The following KCNQ2 variants were observed in gnomAD, a reference collection of about 807,000 sequenced individuals.
The protein encoded by KCNQ2 is potassium voltage-gated channel subfamily Q member 2.
KCNQ2 carries 14 observed loss-of-function variants against 84.8 expected under a neutral mutation model. That is an observed-to-expected ratio of 0.17 (90% CI 0.11 to 0.26). The LOEUF (loss-of-function observed/expected upper bound fraction) is 0.26, where lower values mean the gene tolerates loss of function less well. Ranked by LOEUF, KCNQ2 falls within the 10% of genes least tolerant of loss-of-function variation. KCNQ2 has a pLI of 1.00. For synonymous variants in KCNQ2, 599 were observed against 554.1 expected (o/e 1.08, Z -1.14); for missense variants, 788 against 1,254.0 (o/e 0.63, Z 5.61).
chr20:63,452,625 C>T (rs777118262), intron 1 of KCNQ2, among the ~76,000 whole-genome samples: 7 of 152,242 alleles, frequency 4.6e-5, no homozygotes, highest in Non-Finnish European at 1.0e-4. Flanking sequence ...ACAGGGGCCT[C>T]GGCCAGAGGC....
chr20:63,458,737 C>T (rs2081871409), intron 1 of KCNQ2, among the ~76,000 whole-genome samples: 1 of 152,362 alleles, frequency 6.6e-6, no homozygotes, highest in South Asian at 2.1e-4. Flanking sequence ...CACATCCAGG[C>T]AGGCGGCAGC....
Position 63,444,106 on chromosome 20 carries a change from G to T in KCNQ2, c.690+553C>A, listed in dbSNP as rs564015927. Among the ~76,000 whole-genome samples, 136 of 152,360 alleles carry T rather than the reference G, an allele frequency of 8.9e-4. 1 individual carries two copies. Among genetic ancestry groups the T allele is most frequent in the African/African-American group, 3.3e-3 (136 of 41,590 alleles). ...AGGGCTCAAGAGGGAAGAAAATGGGGAGGGGGCCATTTGAGCAAATGAGCC... is the reference window on the plus strand; with the variant it reads ...AGGGCTCAAGAGGGAAGAAAATGGGTAGGGGGCCATTTGAGCAAATGAGCC... On this transcript the variant is annotated intron_variant, in intron 4 of 16. Transcript: ENST00000359125.
intron 15 of KCNQ2, 74 bp downstream of exon 15, chr20:63,413,376 G>C: frequency 6.3e-7 from 1 of 1,589,690 alleles, no homozygotes. Context: ...CTCCCACCAT[G>C]GGCCACAGTG....
At position 63,438,743 on chromosome 20, in the gene KCNQ2, C is replaced by G. The variant is rs866660979; in HGVS notation, c.928-23G>C. The G allele has an allele frequency of 6.2e-7, 1 of 1,607,258 alleles. No individual in the cohort carries two copies. The highest frequency in any genetic ancestry group is 8.5e-7 in the Non-Finnish European group (1 of 1,175,442). On this transcript the variant is annotated intron_variant, in intron 6 of 16. Transcript: ENST00000359125. This position sits in a 1 kb window ranked among gnomAD's most constrained non-coding sequence, Gnocchi z 5.1. ...GCCCTGCAATTCATCAGGGTCAGGT[C>G]ACACCCCAGGGACCCCCCACACCCC... is the stretch of plus-strand genomic sequence containing the variant.
rs867201814 is a variant in KCNQ2 at position 63,416,383 on chromosome 20, G to C, written c.1302-1257C>G. ...CCGCCGGGCGACAGTGAGGGGAGGGGAGGGTTCACTGTGGTTGGTGGTTGG... is the reference window on the plus strand; with the variant it reads ...CCGCCGGGCGACAGTGAGGGGAGGGCAGGGTTCACTGTGGTTGGTGGTTGG... On this transcript the variant is annotated intron_variant, in intron 12 of 16. Transcript: ENST00000359125. Among the ~76,000 whole-genome samples the C allele has an allele frequency of 2.0e-5, 3 of 152,348 alleles. No homozygotes were observed. The Middle Eastern group carries it at 0.01, about 518-fold the overall frequency.
At chr20:63,437,096 T>C (rs1440866126) in intron 7 of KCNQ2, among the ~76,000 whole-genome samples, 1 of 152,170 alleles carries the variant, frequency 6.6e-6, no homozygotes, top group Non-Finnish European at 1.5e-5. Flanking sequence ...ATAACTTCCA[T>C]ATGCACTGGG....
chr20:63,415,162 C>G, intron 12 of KCNQ2, 36 bp from the exon 13 acceptor site: 2 of 1,564,220 alleles, frequency 1.3e-6, no homozygotes, highest in Non-Finnish European at 1.7e-6. Context: ...GACAGAAAAA[C>G]AGGGAGAGAA....
chr20:63,404,442 G>C lies in KCNQ2; in HGVS notation c.*2202C>G, dbSNP rs1171158731. 2 of 151,744 alleles carry C rather than the reference G, an allele frequency of 1.3e-5. No individual in the cohort carries two copies. The highest frequency in any genetic ancestry group is 1.5e-5 in the Non-Finnish European group (1 of 68,306). 9.4% of individuals were successfully genotyped at this position (151,744 alleles called of 1,614,324 possible). ...GGCGGGGGAGGAAAGAGCAGGCGGG[G>C]TCACACCTGCAGGGGGACACACAGC... On this transcript the variant is annotated 3_prime_UTR_variant, in exon 17 of 17. Coordinates refer to ENST00000359125, the MANE Select transcript of KCNQ2 (RefSeq NM_172107.4).
chr20:63,430,258 G>A (rs1173249879), intron 9 of KCNQ2, among the ~76,000 whole-genome samples: 3 of 152,328 alleles, frequency 2.0e-5, no homozygotes, highest in African/African-American at 7.2e-5. Flanking sequence ...GAGAGCAGAG[G>A]CTGGGGAGGA....
intron 15 of KCNQ2, among the ~76,000 whole-genome samples, chr20:63,412,822 G>C (rs532805788): frequency 3.3e-4 from 50 of 152,338 alleles, no homozygotes; most frequent in Non-Finnish European, 6.5e-4. Flanking sequence ...CTCAACAGCC[G>C]TGTGTCCCCA....
Position 63,407,436 on chromosome 20 carries a change from G to A in KCNQ2, c.1888-61C>T. The A allele has an allele frequency of 6.3e-7, 1 of 1,575,562 alleles. No homozygotes were observed. The highest frequency in any genetic ancestry group is 8.6e-7 in the Non-Finnish European group (1 of 1,165,110). ...CCGTCCCAGGAGATGTGGGGACCCA[G>A]GCTGCTCCCAGGAAATGGGGGGGCC... is the stretch of plus-strand genomic sequence containing the variant. On this transcript the variant is annotated intron_variant, in intron 16 of 16. Transcript: ENST00000359125. This position sits in a 1 kb window ranked among gnomAD's most constrained non-coding sequence, Gnocchi z 7.2.
intron 5 of KCNQ2, 32 bp from the exon 6 acceptor site, chr20:63,439,740 G>T (rs2145720000): frequency 1.3e-6 from 2 of 1,524,782 alleles, no homozygotes; most frequent in East Asian, 4.5e-5. Context: ...TCACACGAAG[G>T]GCCTGCTCAC....
At chr20:63,443,271 C>CCACCAT (rs1371053495) in intron 4 of KCNQ2, among the ~76,000 whole-genome samples, 1 of 23,350 alleles carries the variant, frequency 4.3e-5, no homozygotes. Context: ...ACCATCATCA[C>CCACCAT]CACCATCACC....
intron 3 of KCNQ2, 70 bp from the exon 4 acceptor site, chr20:63,444,904 C>A (rs528574364): frequency 3.6e-5 from 53 of 1,467,426 alleles, no homozygotes; most frequent in Middle Eastern, 1.8e-4. Context: ...AAACTCCCCA[C>A]CCCGCGTTCC....
chr20:63,472,184 T>G lies in KCNQ2; in HGVS notation c.280A>C (p.Ile94Leu). The part of the protein sequence containing the change: ...VLERPRGWAF[I>L]YHAYVFLLVF... ...GCCACTCACACGTAGGCGTGGTAGATGAACGCCCAGCCGCGCGGCCGCTCC... is the reference window on the plus strand; with the variant it reads ...GCCACTCACACGTAGGCGTGGTAGAGGAACGCCCAGCCGCGCGGCCGCTCC... Residue 94 changes from isoleucine to leucine, a missense_variant, in exon 1 of 17, where the codon ATC becomes CTC. Transcript: ENST00000359125. 2 of 1,532,648 alleles carry G rather than the reference T, an allele frequency of 1.3e-6. No homozygotes were observed. Among genetic ancestry groups the G allele is most frequent in the Non-Finnish European group, 1.8e-6 (2 of 1,140,786 alleles). 94.9% of individuals were successfully genotyped at this position (1,532,648 alleles called of 1,614,324 possible). A position where few individuals can be genotyped will look rare whatever the true frequency, so the allele number is the denominator to read the frequency against.
At chr20:63,464,790 C>G (rs1370921296) in intron 1 of KCNQ2, among the ~76,000 whole-genome samples, 1 of 152,210 alleles carries the variant, frequency 6.6e-6, no homozygotes, top group Non-Finnish European at 1.5e-5. Flanking sequence ...TTCAAACTTG[C>G]CAGCCAATCA....
Position 63,415,143 on chromosome 20 carries a change from C to CGACACACA in KCNQ2, c.1302-18_1302-17insTGTGTGTC. 6.5e-7 allele frequency: 1 copy of CGACACACA among 1,537,828 alleles called. No individual in the cohort carries two copies. The highest frequency in any genetic ancestry group is 1.1e-5 in the South Asian group (1 of 88,862). Reference sequence around the variant, plus strand: ...ACCTTCTGGCTGCTCCCACGGGAACCGACAGACAGACAGAAAAACAGGGAG... The same window carrying CGACACACA: ...ACCTTCTGGCTGCTCCCACGGGAACCGACACACAGACAGACAGACAGAAAAACAGGGAG... On this transcript the variant is annotated splice_polypyrimidine_tract_variant and intron_variant, in intron 12 of 16. Transcript: ENST00000359125.
At chr20:63,437,309 T>C (rs1174860287) in intron 7 of KCNQ2, 3 of 152,214 alleles carry the variant, frequency 2.0e-5, no homozygotes, top group Non-Finnish European at 2.9e-5. Flanking sequence ...TCTGGCACTA[T>C]TGTAACCTTT....
chr20:63,466,631 G>A (rs577400647), intron 1 of KCNQ2: 1 of 152,270 alleles, frequency 6.6e-6, no homozygotes, highest in Non-Finnish European at 1.5e-5. Flanking sequence ...CTCACACGTT[G>A]AATCCCGGCG....
Sources: gnomAD v4.1 joint callset for allele counts (sites outside exome capture counted in the v4.1 genomes callset) on GRCh38, gnomAD v4.1.1 for gene constraint, Gnocchi (gnomAD v3.1) non-coding constraint, MANE v1.5 for transcripts, NCBI Gene and HGNC (gene_info 2026-07-23, HGNC 2026-07-21) for gene names.